FUT2: variants seen among roughly 807,000 people sequenced by gnomAD.
The protein encoded by FUT2 is galactoside alpha-(1,2)-fucosyltransferase 2.
For synonymous variants in FUT2, 182 were observed against 193.1 expected, an observed-to-expected ratio of 0.94 and a Z score of 0.48; for missense variants, 419 against 465.8, an observed-to-expected ratio of 0.90 and a Z score of 0.93.
At position 48,704,309 on chromosome 19, in the gene FUT2, C is replaced by G; in HGVS notation, c.*321C>G. 2.5e-6 allele frequency: 1 copy of G among 405,340 alleles called. No homozygotes were observed. Among genetic ancestry groups the G allele is most frequent in the Non-Finnish European group, 4.6e-6 (1 of 215,262 alleles). 25.1% of individuals were successfully genotyped at this position (405,340 alleles called of 1,614,324 possible). On this transcript the variant is annotated 3_prime_UTR_variant, in exon 2 of 2. Transcript: ENST00000425340. Reference sequence around the variant, plus strand: ...TGGTGGTGCACACCTGTAATCCCAGCTACTCGGGAGGCTGAGGCAAGAGAA... The same window carrying G: ...TGGTGGTGCACACCTGTAATCCCAGGTACTCGGGAGGCTGAGGCAAGAGAA...
intron 1 of FUT2, among the ~76,000 whole-genome samples, chr19:48,699,000 C>CCCTTCCTT (rs79130887): frequency 2.7e-5 from 4 of 146,434 alleles, no homozygotes; most frequent in African/African-American, 1.0e-4. Flanking sequence ...CTCCCTCCCT[C>CCCTTCCTT]CCTTCCTTCC....
Position 48,703,514 on chromosome 19 carries a change from GGTGAAC to G in FUT2, c.560_565del (p.Val187_Asn188del), listed in dbSNP as rs2032568251. The G allele has an allele frequency of 6.2e-7, 1 of 1,613,054 alleles. No homozygotes were observed. Among genetic ancestry groups the G allele is most frequent in the Non-Finnish European group, 8.5e-7 (1 of 1,180,034 alleles). ...CCCAGAAGTTCCTGCGGGGCCTGCAGGTGAACGGGAGCCGGCCGGGCACCTTTGTAG... is the reference window on the plus strand; with the variant it reads ...CCCAGAAGTTCCTGCGGGGCCTGCAGGGGAGCCGGCCGGGCACCTTTGTAG... On this transcript the variant is annotated inframe_deletion, in exon 2 of 2. Transcript: ENST00000425340.
rs548254465 is a variant in FUT2, at chr19:48,703,481, G to T, written c.525G>T (p.Arg175=). 6.2e-7 allele frequency: 1 copy of T among 1,612,760 alleles called. No homozygotes were observed. The highest frequency in any genetic ancestry group is 1.1e-5 in the South Asian group (1 of 90,652). The stretch of plus-strand genomic sequence containing the variant: ...AGTTCACCCTGCACGACCACGTGCG[G>T]GAGGAGGCCCAGAAGTTCCTGCGGG... ...LQEFTLHDHV[R]EEAQKFLRGL... The change falls in exon 2 of 2, where the codon CGG becomes CGT. Residue 175 remains arginine, a synonymous_variant. Coordinates refer to ENST00000425340, the MANE Select transcript of FUT2 (RefSeq NM_000511.6).
rs748593261 is a variant in FUT2, at chr19:48,703,508, C to T, written c.552C>T (p.Gly184=). 8 of 1,613,000 alleles carry T rather than the reference C, an allele frequency of 5.0e-6. No individual in the cohort carries two copies. Among genetic ancestry groups the T allele is most frequent in the Non-Finnish European group, 6.8e-6 (8 of 1,180,034 alleles). ...VREEAQKFLR[G]LQVNGSRPGT... ...AGGAGGCCCAGAAGTTCCTGCGGGG[C>T]CTGCAGGTGAACGGGAGCCGGCCGG... The change falls in exon 2 of 2, where the codon GGC becomes GGT. Residue 184 remains glycine (G), a synonymous_variant. Coordinates refer to ENST00000425340, the MANE Select transcript of FUT2 (RefSeq NM_000511.6).
At position 48,703,159 on chromosome 19, in the gene FUT2, C is replaced by A; in HGVS notation, c.203C>A (p.Ala68Glu). The change falls in exon 2 of 2, where the codon GCA becomes GAA. Residue 68 changes from alanine (A) to glutamate (E), a missense_variant. Transcript: ENST00000425340. ...SQLRGMWTIN[A>E]IGRLGNQMGE... is the part of the protein sequence containing the mutation. ...CTCAGGGGGATGTGGACGATCAATGCAATAGGCCGCCTGGGGAACCAGATG... is the reference window on the plus strand; with the variant it reads ...CTCAGGGGGATGTGGACGATCAATGAAATAGGCCGCCTGGGGAACCAGATG... 6.2e-7 allele frequency: 1 copy of A among 1,613,488 alleles called. No individual in the cohort carries two copies. Among genetic ancestry groups the A allele is most frequent in the Non-Finnish European group, 8.5e-7 (1 of 1,180,038 alleles).
chr19:48,697,863 T>G (rs758024183), intron 1 of FUT2, among the ~76,000 whole-genome samples: 3 of 151,922 alleles, frequency 2.0e-5, no homozygotes, highest in Non-Finnish European at 2.9e-5. Context: ...CCTGGCTAAT[T>G]TTTTGTATTT....
chr19:48,705,122 T>C lies in FUT2; in HGVS notation c.*1134T>C, dbSNP rs1315976178. On this transcript the variant is annotated 3_prime_UTR_variant, in exon 2 of 2. Transcript: ENST00000425340. ...TTTCTTTTTCTTTTCTTTTTTTTTT[T>C]TTTTTTGAGATGGAGTCTTGCTGCA... 1 of 233,210 alleles carries C rather than the reference T, an allele frequency of 4.3e-6. No homozygotes were observed. The highest frequency in any genetic ancestry group is 8.4e-6 in the Non-Finnish European group (1 of 119,630). 14.4% of individuals were successfully genotyped at this position (233,210 alleles called of 1,614,324 possible).
In FUT2 at chr19:48,703,899, C is replaced by A. The variant is rs1045864490; in HGVS notation, c.943C>A (p.Pro315Thr). Reference protein sequence around the residue: ...YLANYTLPDSPFLKIFKPEAA... With the variant: ...YLANYTLPDSTFLKIFKPEAA... Reference sequence around the variant, plus strand: ...GGCCAATTACACCCTCCCCGACTCCCCTTTCCTCAAAATCTTTAAGCCAGA... The same window carrying A: ...GGCCAATTACACCCTCCCCGACTCCACTTTCCTCAAAATCTTTAAGCCAGA... Residue 315 changes from proline to threonine, a missense_variant, in exon 2 of 2, where the codon CCT (proline) becomes ACT (threonine). Pro to Thr is a conservative substitution (Grantham distance 38). Coordinates refer to ENST00000425340, the MANE Select transcript of FUT2 (RefSeq NM_000511.6). 13 of 1,613,666 alleles carry A rather than the reference C, an allele frequency of 8.1e-6. No homozygotes were observed. The highest frequency in any genetic ancestry group is 1.6e-4 in the Middle Eastern group (1 of 6,062).
In FUT2 at chr19:48,705,721, A is replaced by G. The variant is rs632111; in HGVS notation, c.*1733A>G. The G allele has an allele frequency of 0.44, 73,807 of 166,880 alleles. 17,310 individuals are homozygous for G. Among genetic ancestry groups the G allele is most frequent in the Middle Eastern group, 0.58 (173 of 296 alleles). 10.3% of individuals were successfully genotyped at this position (166,880 alleles called of 1,614,324 possible). On this transcript the variant is annotated 3_prime_UTR_variant, in exon 2 of 2. Transcript: ENST00000425340. ...ATTTGTAACCATTACACAGTCATCA[A>G]AGGAATAATTTTTTTTAATCACCAG...
At position 48,705,106 on chromosome 19, in the gene FUT2, C is replaced by CTTTTTTTTTTTTTTTTT. The variant is rs750075953; in HGVS notation, c.*1122_*1123insTTTTTTTTTTTTTTTTT. 74 of 188,950 alleles carry CTTTTTTTTTTTTTTTTT rather than the reference C, an allele frequency of 3.9e-4. 14 individuals are homozygous for CTTTTTTTTTTTTTTTTT. Among genetic ancestry groups the CTTTTTTTTTTTTTTTTT allele is most frequent in the African/African-American group, 1.6e-3 (48 of 29,918 alleles). The allele number at this position is 188,950 out of a possible 1,614,324, so 11.7% of individuals were successfully genotyped here. A position where few individuals can be genotyped will look rare whatever the true frequency, so the allele number is the denominator to read the frequency against. ...GAGCTCACTGTTTTCTTTTCTTTTT[C>CTTTTTTTTTTTTTTTTT]TTTTCTTTTTTTTTTTTTTTTTGAG... On this transcript the variant is annotated 3_prime_UTR_variant, in exon 2 of 2. Coordinates refer to ENST00000425340, the MANE Select transcript of FUT2 (RefSeq NM_000511.6).
chr19:48,702,911 C>T, intron 1 of FUT2, 44 bp from the exon 2 acceptor site: 1 of 1,597,696 alleles, frequency 6.3e-7, no homozygotes, highest in Non-Finnish European at 8.6e-7. Flanking sequence ...GCGCCCCGGG[C>T]CTCCATCTCC....
Position 48,702,979 on chromosome 19 carries a change from T to C in FUT2, c.23T>C (p.Phe8Ser). Residue 8 changes from phenylalanine to serine, a missense_variant, in exon 2 of 2, where the codon TTC becomes TCC. Phe to Ser is a radical substitution (Grantham distance 155). Coordinates refer to ENST00000425340, the MANE Select transcript of FUT2 (RefSeq NM_000511.6). MLVVQMP[F>S]SFPMAHFILF... The stretch of plus-strand genomic sequence containing the variant: ...GCCATGCTGGTCGTTCAGATGCCTT[T>C]CTCCTTTCCCATGGCCCACTTCATC... 1 of 1,613,238 alleles carries C rather than the reference T, an allele frequency of 6.2e-7. No individual in the cohort carries two copies. Among genetic ancestry groups the C allele is most frequent in the South Asian group, 1.1e-5 (1 of 90,628 alleles).
rs556414788 is a variant in FUT2 at position 48,701,137 on chromosome 19, ATTTTC to A, written c.-2-1798_-2-1794del. Reference sequence around the variant, plus strand: ...ATTGTGTCCACCCAGAGAGCTCACTATTTTCTTTTCTTTTCTTTTCTTTTTTTGAA... The same window carrying A: ...ATTGTGTCCACCCAGAGAGCTCACTATTTTCTTTTCTTTTCTTTTTTTGAA... On this transcript the variant is annotated intron_variant, in intron 1 of 1. Coordinates refer to ENST00000425340, the MANE Select transcript of FUT2 (RefSeq NM_000511.6). 3.0e-4 allele frequency among the ~76,000 whole-genome samples: 46 copies of A among 151,556 alleles called. No individual in the cohort carries two copies. In the East Asian group the frequency reaches 4.7e-3, roughly 15 times the overall value.
Position 48,703,900 on chromosome 19 carries a change from C to T in FUT2, c.944C>T (p.Pro315Leu). ...GCCAATTACACCCTCCCCGACTCCCCTTTCCTCAAAATCTTTAAGCCAGAG... is the reference window on the plus strand; with the variant it reads ...GCCAATTACACCCTCCCCGACTCCCTTTTCCTCAAAATCTTTAAGCCAGAG... ...YLANYTLPDSPFLKIFKPEAA... is the reference protein window; with the variant it reads ...YLANYTLPDSLFLKIFKPEAA... Residue 315 changes from proline (P) to leucine (L), a missense_variant, in exon 2 of 2, where the codon CCT becomes CTT. By Grantham distance (98) the Pro-to-Leu change is moderately conservative. Coordinates refer to ENST00000425340, the MANE Select transcript of FUT2 (RefSeq NM_000511.6). 6.2e-7 allele frequency: 1 copy of T among 1,613,664 alleles called. No individual in the cohort carries two copies. Among genetic ancestry groups the T allele is most frequent in the East Asian group, 2.2e-5 (1 of 44,880 alleles).
In FUT2 at chr19:48,703,998, A is replaced by G. The variant is rs485073; in HGVS notation, c.*10A>G. On this transcript the variant is annotated 3_prime_UTR_variant, in exon 2 of 2. Transcript: ENST00000425340. ...CTTACTCAAGCACTAATGCTGGCCC[A>G]TTCTTTGAGACCTTTTCTCCTTCTC... The G allele has an allele frequency of 0.48, 778,484 of 1,607,944 alleles. 200,299 individuals carry two copies. The highest frequency in any genetic ancestry group is 0.54 in the Middle Eastern group (3,282 of 6,046).
At position 48,699,081 on chromosome 19, in the gene FUT2, C is replaced by T. The variant is rs117690381; in HGVS notation, c.-3+2992C>T. On this transcript the variant is annotated intron_variant, in intron 1 of 1. Transcript: ENST00000425340. ...TATCACAAAGTTTGCAGCTGGGGCA[C>T]CTACAGTAAAAGGTTAACAGACACA... Among the ~76,000 whole-genome samples the T allele has an allele frequency of 6.2e-3, 929 of 151,040 alleles. 6 individuals carry two copies. The highest frequency in any genetic ancestry group is 0.019 in the East Asian group (96 of 5,066).
intron 1 of FUT2, among the ~76,000 whole-genome samples, chr19:48,696,945 C>T (rs1055165283): frequency 7.2e-5 from 11 of 152,074 alleles, no homozygotes; most frequent in Admixed American, 5.9e-4. Flanking sequence ...GGGATTGTGT[C>T]TTAAGAGGCA....
At position 48,704,421 on chromosome 19, in the gene FUT2, CAAAAAAAAAAAA is replaced by C. The variant is rs140411756; in HGVS notation, c.*442_*453del. 9 of 109,320 alleles carry C rather than the reference CAAAAAAAAAAAA, an allele frequency of 8.2e-5. No individual in the cohort carries two copies. Among genetic ancestry groups the C allele is most frequent in the Non-Finnish European group, 1.7e-4 (9 of 52,012 alleles). 6.8% of individuals were successfully genotyped at this position (109,320 alleles called of 1,614,324 possible). On this transcript the variant is annotated 3_prime_UTR_variant, in exon 2 of 2. Coordinates refer to ENST00000425340, the MANE Select transcript of FUT2 (RefSeq NM_000511.6). ...TGGGTGACACAGCAAGACTCCATCT[CAAAAAAAAAAAA>C]AAAAAAAAGAAAAGAAAAAGAAATG...
intron 1 of FUT2, among the ~76,000 whole-genome samples, chr19:48,702,728 A>G (rs765009579): frequency 1.3e-5 from 2 of 152,016 alleles, no homozygotes; most frequent in Non-Finnish European, 2.9e-5. Flanking sequence ...GTACGCATCT[A>G]CCTGTGTACA....
Sources: gnomAD v4.1 joint callset for allele counts (sites outside exome capture counted in the v4.1 genomes callset) on GRCh38, gnomAD v4.1.1 for gene constraint, MANE v1.5 for transcripts, NCBI Gene and HGNC (gene_info 2026-07-23, HGNC 2026-07-21) for gene names.